NISCH: variants seen among roughly 807,000 people sequenced by gnomAD.
The protein encoded by NISCH is I-1 receptor candidate protein.
NISCH carries 55 observed loss-of-function variants against 138.4 expected under a neutral mutation model. The observed-to-expected ratio is 0.40, with a 90% CI of 0.32 to 0.50. The LOEUF is 0.50. Among genes scored for constraint, NISCH ranks in the 20% least tolerant of loss-of-function variants. NISCH has a pLI of 0.71. For missense variants in NISCH, 1,643 were observed against 2,005.5 expected, an observed-to-expected ratio of 0.82 and a Z score of 3.45; for synonymous variants, 860 against 861.5, an observed-to-expected ratio of 1.00 and a Z score of 0.03.
intron 8 of NISCH, 24 bp from the exon 9 acceptor site, chr3:52,477,550 T>G (rs754541567): frequency 6.2e-7 from 1 of 1,606,220 alleles, no homozygotes; most frequent in African/African-American, 1.3e-5. Flanking sequence ...TACAGTAACA[T>G]CGGGTGTTCT....
chr3:52,478,162 C>G lies in NISCH; in HGVS notation c.1053C>G (p.His351Gln), dbSNP rs1707160178. The change falls in exon 10 of 21, where the codon CAC becomes CAG. Residue 351 changes from histidine (H) to glutamine (Q), a missense_variant. Coordinates refer to ENST00000345716, the MANE Select transcript of NISCH (RefSeq NM_007184.4). ...AGCTCTCCTCCTTGGAAGGGCTTCA[C>G]ACCAAGCTGGGGAACATCAAGACCT... ...YNKLSSLEGL[H>Q]TKLGNIKTLN... 2 of 1,614,164 alleles carry G rather than the reference C, an allele frequency of 1.2e-6. No individual in the cohort carries two copies. Among genetic ancestry groups the G allele is most frequent in the East Asian group, 4.5e-5 (2 of 44,874 alleles).
At chr3:52,480,125 C>T (rs1707225172) in intron 12 of NISCH, 59 bp from the exon 13 acceptor site, 4 of 1,593,778 alleles carry the variant, frequency 2.5e-6, no homozygotes, top group Non-Finnish European at 3.4e-6. Flanking sequence ...ACACCCCTGG[C>T]CTTGGGGAGC....
intron 13 of NISCH, 145 bp downstream of exon 13, chr3:52,480,440 C>A: frequency 6.5e-7 from 1 of 1,542,064 alleles, no homozygotes. Context: ...CAGGCTGGTC[C>A]TCGCGGGGGG....
At chr3:52,485,903 G>A in intron 15 of NISCH, 76 bp downstream of exon 15, 1 of 1,436,262 alleles carries the variant, frequency 7.0e-7, no homozygotes, top group Non-Finnish European at 9.6e-7. Context: ...GGCCAGGGGT[G>A]GCCAGTCAGG....
At chr3:52,480,371 G>C in intron 13 of NISCH, 76 bp downstream of exon 13, 1 of 1,586,908 alleles carries the variant, frequency 6.3e-7, no homozygotes, top group Non-Finnish European at 8.6e-7. Flanking sequence ...TGGGGTTGGG[G>C]GAGAGGTGCC....
intron 8 of NISCH, among the ~76,000 whole-genome samples, chr3:52,476,906 C>A (rs1707111770): frequency 6.6e-6 from 1 of 152,052 alleles, no homozygotes; most frequent in Non-Finnish European, 1.5e-5. Context: ...TGGTGGTGCA[C>A]ACCTGTAATC....
chr3:52,478,141 C>A lies in NISCH; in HGVS notation c.1032C>A (p.Leu344=), dbSNP rs374743785. The A allele has an allele frequency of 6.2e-7, 1 of 1,614,154 alleles. No individual in the cohort carries two copies. Among genetic ancestry groups the A allele is most frequent in the East Asian group, 2.2e-5 (1 of 44,882 alleles). The change falls in exon 10 of 21, where the codon CTC becomes CTA. Residue 344 remains leucine, a synonymous_variant. Transcript: ENST00000345716. ...ATCTGGACCTGTCCTACAACAAGCT[C>A]TCCTCCTTGGAAGGGCTTCACACCA... is the stretch of plus-strand genomic sequence containing the variant. ...LVHLDLSYNK[L]SSLEGLHTKL... is the part of the protein sequence containing the mutation.
chr3:52,489,555 C>T lies in NISCH; in HGVS notation c.3333C>T (p.Leu1111=), dbSNP rs1415142757. 6.2e-7 allele frequency: 1 copy of T among 1,613,276 alleles called. No individual in the cohort carries two copies. The highest frequency in any genetic ancestry group is 8.5e-7 in the Non-Finnish European group (1 of 1,179,992). ...EAPAQYPSEH[L]IQATSEENQI... ...CTGCCCAGTACCCGAGTGAGCACCT[C>T]ATCCAGGCCACCTCGGAGGAGAATC... The change falls in exon 17 of 21, where the codon CTC becomes CTT. Residue 1111 remains leucine (L), a synonymous_variant. Coordinates refer to ENST00000345716, the MANE Select transcript of NISCH (RefSeq NM_007184.4).
chr3:52,491,467 G>C lies in NISCH; in HGVS notation c.3858G>C (p.Glu1286Asp). ...LSSLERTPSP[E>D]PVDKDFYSEF... The stretch of plus-strand genomic sequence containing the variant: ...CTCTGGAACGCACGCCCTCGCCGGA[G>C]CCTGTTGACAAGGACTTCTACTCCG... The change falls in exon 20 of 21, where the codon GAG (glutamate) becomes GAC (aspartate). Residue 1286 changes from glutamate (E) to aspartate (D), a missense_variant. Coordinates refer to ENST00000345716, the MANE Select transcript of NISCH (RefSeq NM_007184.4). The C allele has an allele frequency of 6.2e-7, 1 of 1,613,442 alleles. No homozygotes were observed. The highest frequency in any genetic ancestry group is 1.3e-5 in the African/African-American group (1 of 75,062).
Position 52,488,202 on chromosome 3 carries a change from G to A in NISCH, c.2710G>A (p.Ala904Thr), listed in dbSNP as rs139197623. The A allele has an allele frequency of 1.4e-4, 230 of 1,613,030 alleles. No individual in the cohort carries two copies. In the East Asian group the frequency reaches 2.0e-3, roughly 14 times the overall value. ...CGCGCCCTCTGAGGCCGTCAAGTCC[G>A]CCGCCATCCCCTACTGGCTGTTGCT... The part of the protein sequence containing the change: ...CCAPSEAVKS[A>T]AIPYWLLLTP... Residue 904 changes from alanine to threonine, a missense_variant, in exon 16 of 21, where the codon GCC becomes ACC. Ala to Thr is a moderately conservative substitution (Grantham distance 58). Coordinates refer to ENST00000345716, the MANE Select transcript of NISCH (RefSeq NM_007184.4).
At position 52,492,415 on chromosome 3, in the gene NISCH, T is replaced by G; in HGVS notation, c.4448T>G (p.Ile1483Ser). 1 of 1,612,858 alleles carries G rather than the reference T, an allele frequency of 6.2e-7. No homozygotes were observed. The highest frequency in any genetic ancestry group is 8.5e-7 in the Non-Finnish European group (1 of 1,179,992). The change falls in exon 21 of 21, where the codon ATC becomes AGC. Residue 1483 changes from isoleucine to serine, a missense_variant. By Grantham distance (142) the Ile-to-Ser change is moderately radical (BLOSUM62 -2). Coordinates refer to ENST00000345716, the MANE Select transcript of NISCH (RefSeq NM_007184.4). ...VPSAESREKL[I>S]SLLARQWEAL... ...AGTGCTGAGAGCAGAGAGAAGCTCA[T>G]CTCGCTGTTGGCTCGCCAGTGGGAG...
At chr3:52,477,491 TG>T in intron 8 of NISCH, 82 bp from the exon 9 acceptor site, 1 of 1,172,572 alleles carries the variant, frequency 8.5e-7, no homozygotes, top group South Asian at 1.2e-5. Flanking sequence ...GGAAGCGTCC[TG>T]GGGTGCCCGT....
chr3:52,472,757 T>G (rs1706988774), intron 6 of NISCH, among the ~76,000 whole-genome samples: 1 of 152,196 alleles, frequency 6.6e-6, no homozygotes, highest in Non-Finnish European at 1.5e-5. Flanking sequence ...AAGTCTGTAT[T>G]TCCCAAGGCC....
intron 3 of NISCH, among the ~76,000 whole-genome samples, chr3:52,464,503 A>G (rs1706724210): frequency 7.5e-6 from 1 of 133,034 alleles, no homozygotes; most frequent in South Asian, 2.5e-4. Context: ...ACTTTTTCAC[A>G]TTCTGTGAGT....
intron 3 of NISCH, among the ~76,000 whole-genome samples, chr3:52,464,185 G>T (rs1471767802): frequency 6.6e-6 from 1 of 151,734 alleles, no homozygotes; most frequent in African/African-American, 2.4e-5. Context: ...ATCACTTGAG[G>T]CCTGGAGTTC....
intron 7 of NISCH, 70 bp downstream of exon 7, chr3:52,473,899 C>G (rs926300004): frequency 1.4e-5 from 14 of 1,020,710 alleles, no homozygotes; most frequent in Non-Finnish European, 2.1e-5. Context: ...GTCTCCACCA[C>G]TAAGGATGGG....
intron 9 of NISCH, chr3:52,477,893 G>T: frequency 1.5e-6 from 1 of 646,652 alleles, no homozygotes; most frequent in Non-Finnish European, 2.7e-6. Context: ...TGTTTTCAAC[G>T]CCCACCCCAA....
chr3:52,455,725 C>A lies in NISCH; in HGVS notation c.84C>A (p.Asp28Glu). 7.3e-7 allele frequency: 1 copy of A among 1,366,176 alleles called. No homozygotes were observed. Among genetic ancestry groups the A allele is most frequent in the South Asian group, 2.0e-5 (1 of 48,820 alleles). 84.6% of individuals were successfully genotyped at this position (1,366,176 alleles called of 1,614,324 possible). Residue 28 changes from aspartate to glutamate, a missense_variant, in exon 1 of 21, where the codon GAC becomes GAA. By Grantham distance (45) the Asp-to-Glu change is conservative (BLOSUM62 2). Transcript: ENST00000345716. The stretch of plus-strand genomic sequence containing the variant: ...GCGTCGTGGGCTCGGAGCTTGTGGA[C>A]ACTTATACGGTGTGTTGGGGGCGCG... ...EARVVGSELV[D>E]TYTVYIIQVT...
Position 52,488,584 on chromosome 3 carries a change from A to G in NISCH, c.3092A>G (p.Gln1031Arg). 6.2e-7 allele frequency: 1 copy of G among 1,611,104 alleles called. No individual in the cohort carries two copies. Among genetic ancestry groups the G allele is most frequent in the Non-Finnish European group, 8.5e-7 (1 of 1,178,914 alleles). ...GSPQGSFADG[Q>R]PAERRASNDQ... ...CCCCAGGGCTCCTTTGCGGATGGCC[A>G]GCCTGCCGAGCGCAGGGCCAGGTGA... is the stretch of plus-strand genomic sequence containing the variant. The change falls in exon 16 of 21, where the codon CAG (glutamine) becomes CGG (arginine). Residue 1031 changes from glutamine to arginine, a missense_variant. By Grantham distance (43) the Gln-to-Arg change is conservative (BLOSUM62 1). Transcript: ENST00000345716.
Sources: allele counts gnomAD v4.1 joint callset (sites outside exome capture counted in the v4.1 genomes callset), GRCh38; gene constraint gnomAD v4.1.1; transcripts MANE v1.5; gene names NCBI Gene and HGNC (gene_info 2026-07-23, HGNC 2026-07-21).